The following MARCHF11 variants were observed in gnomAD, a reference collection of about 807,000 sequenced individuals.
MARCHF11 encodes E3 ubiquitin-protein ligase MARCHF11.
In MARCHF11, 29 loss-of-function variants were observed where a neutral mutation model predicts 37.3. The observed-to-expected ratio is 0.78, with a 90% CI of 0.58 to 1.06. MARCHF11 has a LOEUF of 1.06. Ranked by LOEUF, MARCHF11 falls within the 50% of genes least tolerant of loss-of-function variation. MARCHF11 has a pLI of 0.00. For synonymous variants in MARCHF11, 233 were observed against 228.0 expected (o/e 1.02, Z -0.20); for missense variants, 482 against 533.4 (o/e 0.90, Z 0.95).
Position 16,159,664 on chromosome 5 carries a change from C to A in MARCHF11, c.693+18062G>T, listed in dbSNP as rs977666520. Among the ~76,000 whole-genome samples the A allele has an allele frequency of 2.0e-5, 3 of 151,834 alleles. No individual in the cohort carries two copies. In the South Asian group the frequency reaches 6.2e-4, roughly 32 times the overall value. On this transcript the variant is annotated intron_variant, in intron 2 of 3. Coordinates refer to ENST00000332432, the MANE Select transcript of MARCHF11 (RefSeq NM_001102562.3). ...ATTATTTCTATCTCTTCTTTTATTT[C>A]TTTTTTATTTTCAGTTATTTCCAGG...
chr5:16,108,625 C>T (rs1737085767), intron 2 of MARCHF11, among the ~76,000 whole-genome samples: 1 of 152,008 alleles, frequency 6.6e-6, no homozygotes, highest in Non-Finnish European at 1.5e-5. Context: ...CTTCCAGACG[C>T]CCCAGCTGGC....
rs1206806782 is a variant in MARCHF11, at chr5:16,099,643, G to A, written c.694-8562C>T. On this transcript the variant is annotated intron_variant, in intron 2 of 3. Transcript: ENST00000332432. ...GTTTTTTAAAAGAGACCACTCATTT[G>A]AAGTTAATCAGTATAATTTCAATTC... 3.9e-5 allele frequency among the ~76,000 whole-genome samples: 6 copies of A among 152,172 alleles called. No homozygotes were observed. The South Asian group carries it at 1.2e-3, about 32-fold the overall frequency.
intron 2 of MARCHF11, among the ~76,000 whole-genome samples, chr5:16,102,547 C>T (rs1478572670): frequency 7.2e-5 from 11 of 152,176 alleles, no homozygotes; most frequent in East Asian, 1.9e-4. Flanking sequence ...AATTGGACAT[C>T]GGAGACTATG....
intron 2 of MARCHF11, among the ~76,000 whole-genome samples, chr5:16,114,243 T>C (rs1036175339): frequency 6.6e-6 from 1 of 152,260 alleles, no homozygotes; most frequent in Non-Finnish European, 1.5e-5. Flanking sequence ...AAACTGTTAA[T>C]ACAATCCTCC....
intron 2 of MARCHF11, among the ~76,000 whole-genome samples, chr5:16,105,762 C>A (rs1022568328): frequency 5.9e-5 from 9 of 152,166 alleles, no homozygotes; most frequent in African/African-American, 2.2e-4. Context: ...AAACACCTCT[C>A]AATCTCTGGC....
rs529964702 is a variant in MARCHF11, at chr5:16,092,190, CTG to C, written c.694-1111_694-1110del. Among the ~76,000 whole-genome samples, 643 of 144,996 alleles carry C rather than the reference CTG, an allele frequency of 4.4e-3. 3 individuals carry two copies. Among genetic ancestry groups the C allele is most frequent in the African/African-American group, 0.018 (617 of 34,694 alleles). On this transcript the variant is annotated intron_variant, in intron 2 of 3. Coordinates refer to ENST00000332432, the MANE Select transcript of MARCHF11 (RefSeq NM_001102562.3). ...ACACTGATCCTCTCTCCCTCATTGT[CTG>C]TCTCTCTGTCACTCTCTCTCTCTCA... is the stretch of plus-strand genomic sequence containing the variant.
At chr5:16,149,398 T>C (rs2126596837) in intron 2 of MARCHF11, among the ~76,000 whole-genome samples, 1 of 152,236 alleles carries the variant, frequency 6.6e-6, no homozygotes, top group Non-Finnish European at 1.5e-5. Context: ...ATACCTAGTG[T>C]TGGCGCGAAT....
chr5:16,110,872 G>A (rs1003108749), intron 2 of MARCHF11, among the ~76,000 whole-genome samples: 1 of 152,174 alleles, frequency 6.6e-6, no homozygotes, highest in Admixed American at 6.5e-5. Context: ...ATCCCCATGT[G>A]TTGTGGGAGG....
At chr5:16,081,043 A>C (rs1037986419) in intron 3 of MARCHF11, among the ~76,000 whole-genome samples, 2 of 152,126 alleles carry the variant, frequency 1.3e-5, no homozygotes, top group Non-Finnish European at 2.9e-5. Flanking sequence ...TTCATACGTT[A>C]CTAGGTCTAG....
At chr5:16,084,218 A>G (rs147209500) in intron 3 of MARCHF11, among the ~76,000 whole-genome samples, 2 of 152,364 alleles carry the variant, frequency 1.3e-5, no homozygotes, top group Non-Finnish European at 2.9e-5. Flanking sequence ...CTGAAATTCT[A>G]TAATGAAATG....
intron 2 of MARCHF11, among the ~76,000 whole-genome samples, chr5:16,154,321 G>A (rs1737933294): frequency 6.6e-6 from 1 of 151,912 alleles, no homozygotes; most frequent in Admixed American, 6.6e-5. Context: ...TCCAACCACT[G>A]AAGAGAACAA....
chr5:16,166,604 T>A (rs1328870302), intron 2 of MARCHF11, among the ~76,000 whole-genome samples: 1 of 152,008 alleles, frequency 6.6e-6, no homozygotes, highest in East Asian at 1.9e-4. Context: ...AACATTTATA[T>A]ATATTTCATA....
chr5:16,082,930 C>T (rs1317267330), intron 3 of MARCHF11, among the ~76,000 whole-genome samples: 2 of 151,896 alleles, frequency 1.3e-5, no homozygotes, highest in Non-Finnish European at 2.9e-5. Flanking sequence ...GCCTTCTGCA[C>T]CCCCACTCCA....
chr5:16,082,299 G>A (rs975066561), intron 3 of MARCHF11, among the ~76,000 whole-genome samples: 6 of 152,180 alleles, frequency 3.9e-5, no homozygotes, highest in Admixed American at 6.5e-5. Context: ...TTCCTGGGGC[G>A]CGAAGCATGC....
intron 2 of MARCHF11, among the ~76,000 whole-genome samples, chr5:16,139,482 T>C (rs761345886): frequency 1.3e-5 from 2 of 152,128 alleles, no homozygotes; most frequent in Admixed American, 1.3e-4. Flanking sequence ...GACTAATACA[T>C]ATGCTATATG....
chr5:16,119,747 A>C (rs55959842), intron 2 of MARCHF11, among the ~76,000 whole-genome samples: 28,373 of 152,126 alleles, frequency 0.19, 2,798 homozygotes, highest in East Asian at 0.3. Context: ...ATTTGCTGAC[A>C]ATACCATTTA....
At chr5:16,078,573 T>A (rs1736557817) in intron 3 of MARCHF11, among the ~76,000 whole-genome samples, 1 of 152,174 alleles carries the variant, frequency 6.6e-6, no homozygotes, top group Non-Finnish European at 1.5e-5. Flanking sequence ...TTTAGAAGAA[T>A]GGTCATGTTC....
chr5:16,067,632 C>A lies in MARCHF11; in HGVS notation c.1048G>T (p.Ala350Ser). ...TSRTLWLPLT[A>S]LRNRNLVHPT... The stretch of plus-strand genomic sequence containing the variant: ...TGGACCAAGTTTCTGTTCCGCAGAG[C>A]TGTCAATGGCAACCACAAAGTCCTA... The change falls in exon 4 of 4, where the codon GCT (alanine) becomes TCT (serine). Residue 350 changes from alanine (A) to serine (S), a missense_variant. Physicochemically the swap from Ala to Ser is moderately conservative, Grantham distance 99. Transcript: ENST00000332432. 1 of 1,613,930 alleles carries A rather than the reference C, an allele frequency of 6.2e-7. No homozygotes were observed. The highest frequency in any genetic ancestry group is 8.5e-7 in the Non-Finnish European group (1 of 1,179,858).
chr5:16,115,657 C>CACTCT (rs1486330130), intron 2 of MARCHF11, among the ~76,000 whole-genome samples: 4 of 148,788 alleles, frequency 2.7e-5, no homozygotes, highest in Non-Finnish European at 5.9e-5. Flanking sequence ...GATGGAGTTT[C>CACTCT]ACTCTTGTTG....
Sources: gnomAD v4.1 joint callset for allele counts (sites outside exome capture counted in the v4.1 genomes callset) on GRCh38, gnomAD v4.1.1 for gene constraint, MANE v1.5 for transcripts, NCBI Gene and HGNC (gene_info 2026-07-23, HGNC 2026-07-21) for gene names.